The following STARD13 variants were observed in gnomAD, a reference collection of about 807,000 sequenced individuals.
The protein encoded by STARD13 is StAR related lipid transfer domain containing 13.
STARD13 carries 62 observed loss-of-function variants against 106.4 expected under a neutral mutation model. That is an observed-to-expected ratio of 0.58 (90% CI 0.48 to 0.72). The LOEUF is 0.72. Among genes scored for constraint, STARD13 ranks in the 30% least tolerant of loss-of-function variants. STARD13 has a pLI of 0.00. For missense variants in STARD13, 1,387 were observed against 1,424.0 expected (o/e 0.97, Z 0.42); for synonymous variants, 565 against 553.0 (o/e 1.02, Z -0.31).
chr13:33,415,284 C>A, the STARD13 span, among the ~76,000 whole-genome samples: 3 of 152,132 alleles, frequency 2.0e-5, no homozygotes, highest in Non-Finnish European at 4.4e-5. Flanking sequence ...AGGAGAATGG[C>A]GTGAACCCGG....
intron 1 of STARD13, among the ~76,000 whole-genome samples, chr13:33,325,689 T>C (rs191203475): frequency 1.8e-4 from 27 of 152,206 alleles, no homozygotes; most frequent in African/African-American, 6.5e-4. Flanking sequence ...CAACATTGTC[T>C]CTGTTACTAA....
chr13:33,246,437 A>T (rs1566096041), intron 1 of STARD13, among the ~76,000 whole-genome samples: 1 of 152,216 alleles, frequency 6.6e-6, no homozygotes, highest in Non-Finnish European at 1.5e-5. Flanking sequence ...TATGTCTAGG[A>T]ACAGACAAGC....
At chr13:33,218,902 C>T (rs1171882412) in intron 1 of STARD13, among the ~76,000 whole-genome samples, 1 of 152,116 alleles carries the variant, frequency 6.6e-6, no homozygotes, top group Non-Finnish European at 1.5e-5. Context: ...TGCTGAACAA[C>T]ACGGCACTGA....
chr13:33,392,974 A>G, the STARD13 span, among the ~76,000 whole-genome samples: 2 of 152,234 alleles, frequency 1.3e-5, no homozygotes, highest in Admixed American at 6.5e-5. Flanking sequence ...TCTTACTTGT[A>G]AGGTACAATA....
At chr13:33,248,092 G>A (rs56193654) in intron 1 of STARD13, among the ~76,000 whole-genome samples, 8,399 of 152,200 alleles carry the variant, frequency 0.055, 340 homozygotes, top group African/African-American at 0.11. Context: ...TTTCGAATGA[G>A]TCAGGGCTAT....
the STARD13 span, among the ~76,000 whole-genome samples, chr13:33,427,185 C>T: frequency 1.3e-4 from 20 of 152,106 alleles, no homozygotes; most frequent in South Asian, 4.2e-4. Context: ...TATTAATAGA[C>T]GAGGAAAATG....
At position 33,145,534 on chromosome 13, in the gene STARD13, A is replaced by T. The variant is rs529525760; in HGVS notation, c.324-3161T>A. On this transcript the variant is annotated intron_variant, in intron 3 of 13. Transcript: ENST00000336934. ...CACAAAAAGATTTATACTTTTTATAATTTTTTTTTTGCTGTAAAAAGATTT... is the reference window on the plus strand; with the variant it reads ...CACAAAAAGATTTATACTTTTTATATTTTTTTTTTTGCTGTAAAAAGATTT... Among the ~76,000 whole-genome samples, 801 of 151,180 alleles carry T rather than the reference A, an allele frequency of 5.3e-3. 22 individuals carry two copies. Among genetic ancestry groups the T allele is most frequent in the East Asian group, 9.9e-3 (51 of 5,158 alleles).
chr13:33,600,420 G>T, the STARD13 span, among the ~76,000 whole-genome samples: 2 of 152,100 alleles, frequency 1.3e-5, no homozygotes, highest in Admixed American at 1.3e-4. Context: ...ATGGTATTTT[G>T]GTTATATAGA....
At chr13:33,370,619 C>CT in the STARD13 span, among the ~76,000 whole-genome samples, 7,882 of 131,576 alleles carry the variant, frequency 0.06, 763 homozygotes, top group African/African-American at 0.19. Flanking sequence ...TTCTTTCTTT[C>CT]TTTTTTTTTT....
chr13:33,608,736 AAAG>A, the STARD13 span, among the ~76,000 whole-genome samples: 2 of 152,194 alleles, frequency 1.3e-5, no homozygotes, highest in African/African-American at 4.8e-5. Flanking sequence ...AAATTAAAAA[AAAG>A]AAAGTCTTAG....
chr13:33,238,136 T>G (rs1889284845), intron 1 of STARD13, among the ~76,000 whole-genome samples: 1 of 152,206 alleles, frequency 6.6e-6, no homozygotes. Context: ...CACTTACCTT[T>G]CTTTTACTTA....
At chr13:33,222,192 G>A (rs1888396382) in intron 1 of STARD13, among the ~76,000 whole-genome samples, 1 of 152,102 alleles carries the variant, frequency 6.6e-6, no homozygotes, top group Non-Finnish European at 1.5e-5. Context: ...CATGAGTGAA[G>A]CTTGAGAACA....
chr13:33,234,744 G>C (rs571883153), intron 1 of STARD13, among the ~76,000 whole-genome samples: 1 of 152,140 alleles, frequency 6.6e-6, no homozygotes, highest in Non-Finnish European at 1.5e-5. Context: ...GAAAATAATT[G>C]TTACCTGGCT....
At chr13:33,574,481 A>G in the STARD13 span, among the ~76,000 whole-genome samples, 2 of 152,322 alleles carry the variant, frequency 1.3e-5, no homozygotes, top group Admixed American at 6.5e-5. Flanking sequence ...CATGCCTGTA[A>G]TCCTAACACT....
At chr13:33,391,886 A>T in the STARD13 span, among the ~76,000 whole-genome samples, 1 of 152,102 alleles carries the variant, frequency 6.6e-6, no homozygotes, top group African/African-American at 2.4e-5. Context: ...GATTTGCAAT[A>T]CTTATGATTT....
chr13:33,215,903 A>T (rs1174486464), intron 1 of STARD13, among the ~76,000 whole-genome samples: 2 of 152,218 alleles, frequency 1.3e-5, no homozygotes, highest in African/African-American at 4.8e-5. Context: ...TGGGCTAAAG[A>T]CATGAATAGA....
the STARD13 span, among the ~76,000 whole-genome samples, chr13:33,424,637 G>T: frequency 1.3e-5 from 2 of 152,126 alleles, no homozygotes; most frequent in African/African-American, 4.8e-5. Context: ...GGTTTCTCTG[G>T]CAGCGTCCGG....
At chr13:33,378,151 A>G in the STARD13 span, among the ~76,000 whole-genome samples, 1 of 152,142 alleles carries the variant, frequency 6.6e-6, no homozygotes, top group African/African-American at 2.4e-5. Flanking sequence ...TGGTGTTCTC[A>G]GGGAAGTGGG....
At chr13:33,357,349 C>G in the STARD13 span, among the ~76,000 whole-genome samples, 4 of 152,318 alleles carry the variant, frequency 2.6e-5, no homozygotes, top group African/African-American at 9.6e-5. Context: ...TCTCTAAAGA[C>G]AGGCAGCATG....
Sources: gnomAD v4.1 joint callset for allele counts (sites outside exome capture counted in the v4.1 genomes callset) on GRCh38, gnomAD v4.1.1 for gene constraint, MANE v1.5 for transcripts, NCBI Gene and HGNC (gene_info 2026-07-23, HGNC 2026-07-21) for gene names.